The following PRSS38 variants were observed in gnomAD, a reference collection of about 807,000 sequenced individuals.
PRSS38 encodes the protein serine protease 38, also known as marapsin 2.
A neutral mutation model predicts 26.8 loss-of-function variants in PRSS38; 22 were observed. That is an observed-to-expected ratio of 0.82 (90% CI 0.59 to 1.17). The LOEUF (loss-of-function observed/expected upper bound fraction) is 1.17, where lower values mean the gene tolerates loss of function less well. PRSS38 is among the 50% of genes most tolerant of loss of function. PRSS38 has a pLI of 0.00. For missense variants in PRSS38, 427 were observed against 422.7 expected, an observed-to-expected ratio of 1.01 and a Z score of -0.09; for synonymous variants, 175 against 172.1, an observed-to-expected ratio of 1.02 and a Z score of -0.13.
chr1:227,845,524 G>A lies in PRSS38; in HGVS notation c.638G>A (p.Trp213Ter), dbSNP rs1020241504. The A allele has an allele frequency of 1.9e-6, 3 of 1,613,448 alleles. No homozygotes were observed. Among genetic ancestry groups the A allele is most frequent in the Non-Finnish European group, 2.5e-6 (3 of 1,179,622 alleles). Reference sequence around the variant, plus strand: ...CAGCTCCCGCTGATCCTGGAGCCCTGGTGCCACCTGCTCTACGGACACATG... The same window carrying A: ...CAGCTCCCGCTGATCCTGGAGCCCTAGTGCCACCTGCTCTACGGACACATG... Residue 213 changes from tryptophan (W) to a stop codon, truncating the protein, a stop_gained, in exon 4 of 5, where the codon TGG becomes TAG. Coordinates refer to ENST00000366757, the Ensembl canonical transcript of PRSS38. LOFTEE classifies it high-confidence loss of function.
chr1:227,817,234 A>G (rs972334819), exon 3 of PRSS38: 1 of 1,614,036 alleles, frequency 6.2e-7, no homozygotes, highest in Non-Finnish European at 8.5e-7. Flanking sequence ...AATCTATGAC[A>G]TGTACGTAGG....
At chr1:227,821,262 A>C (rs750775571) in intron 3 of PRSS38, among the ~76,000 whole-genome samples, 3 of 151,752 alleles carry the variant, frequency 2.0e-5, no homozygotes, top group Non-Finnish European at 4.4e-5. Context: ...CATGTATCAC[A>C]TTTTTTTAAT....
At chr1:227,845,965 G>A in exon 5 of PRSS38, 1 of 1,614,114 alleles carries the variant, frequency 6.2e-7, no homozygotes, top group Non-Finnish European at 8.5e-7. Context: ...GCGACTCCGG[G>A]GGCCCACTTG....
chr1:227,846,342 G>A, exon 5 of PRSS38: 1 of 1,163,270 alleles, frequency 8.6e-7, no homozygotes, highest in Non-Finnish European at 1.2e-6. Flanking sequence ...GGTGGATGCT[G>A]AGTCCAGGAG....
chr1:227,823,159 G>C (rs1665026641), intron 3 of PRSS38, among the ~76,000 whole-genome samples: 1 of 151,906 alleles, frequency 6.6e-6, no homozygotes, highest in African/African-American at 2.4e-5. Context: ...ACTTTATTTA[G>C]CTCCCACTCA....
intron 3 of PRSS38, among the ~76,000 whole-genome samples, chr1:227,841,852 C>T (rs1665342078): frequency 1.3e-5 from 2 of 152,162 alleles, no homozygotes; most frequent in Admixed American, 1.3e-4. Flanking sequence ...TAAAGGAATA[C>T]CTGAGGCTGG....
intron 3 of PRSS38, among the ~76,000 whole-genome samples, chr1:227,826,890 A>C (rs1373368019): frequency 6.6e-6 from 1 of 152,104 alleles, no homozygotes; most frequent in Non-Finnish European, 1.5e-5. Flanking sequence ...AACATGAAAG[A>C]ATGTTTAATT....
At chr1:227,835,298 ACTGCTCAT>A (rs1296237830) in intron 3 of PRSS38, among the ~76,000 whole-genome samples, 1 of 152,218 alleles carries the variant, frequency 6.6e-6, no homozygotes, top group African/African-American at 2.4e-5. Context: ...GGCCAAGTGC[ACTGCTCAT>A]CTTTAATCCC....
intron 3 of PRSS38, among the ~76,000 whole-genome samples, chr1:227,826,131 C>G (rs898188033): frequency 5.9e-5 from 9 of 152,028 alleles, no homozygotes; most frequent in African/African-American, 1.9e-4. Context: ...GTATTTTATT[C>G]TTTCTGTAGC....
intron 3 of PRSS38, among the ~76,000 whole-genome samples, chr1:227,823,103 C>T (rs1281266560): frequency 6.6e-6 from 1 of 151,936 alleles, no homozygotes; most frequent in Admixed American, 6.6e-5. Context: ...CATCCTCCTA[C>T]CTTGCTGAGT....
chr1:227,826,065 G>A (rs1572083547), intron 3 of PRSS38, among the ~76,000 whole-genome samples: 1 of 152,068 alleles, frequency 6.6e-6, no homozygotes, highest in Admixed American at 6.6e-5. Flanking sequence ...TTTGAGCAGT[G>A]GTTTGTAGTT....
At chr1:227,817,240 G>C in exon 3 of PRSS38, 4 of 1,614,116 alleles carry the variant, frequency 2.5e-6, no homozygotes, top group Non-Finnish European at 3.4e-6. Context: ...TGACATGTAC[G>C]TAGGCCTCGT....
chr1:227,837,260 C>T (rs554156684), intron 3 of PRSS38, among the ~76,000 whole-genome samples: 6 of 152,330 alleles, frequency 3.9e-5, no homozygotes, highest in African/African-American at 1.2e-4. Context: ...GTGACAAATC[C>T]GCCTTGCCAA....
intron 3 of PRSS38, among the ~76,000 whole-genome samples, chr1:227,833,433 G>A (rs4335375): frequency 0.17 from 26,129 of 151,862 alleles, 4,255 homozygotes; most frequent in African/African-American, 0.43. Flanking sequence ...AGGTTGAGGC[G>A]GGAGAATCAC....
intron 3 of PRSS38, among the ~76,000 whole-genome samples, chr1:227,839,547 T>A (rs1040980587): frequency 2.6e-5 from 4 of 152,120 alleles, no homozygotes; most frequent in Admixed American, 2.6e-4. Flanking sequence ...AAAAACAAAT[T>A]TTTAAAAGGT....
intron 3 of PRSS38, among the ~76,000 whole-genome samples, chr1:227,836,864 C>T (rs1665244686): frequency 6.6e-6 from 1 of 151,900 alleles, no homozygotes; most frequent in Non-Finnish European, 1.5e-5. Flanking sequence ...ATTCTTTTTT[C>T]ATTTTTTAAA....
At chr1:227,828,649 C>T (rs1665108887) in intron 3 of PRSS38, among the ~76,000 whole-genome samples, 1 of 152,178 alleles carries the variant, frequency 6.6e-6, no homozygotes, top group Non-Finnish European at 1.5e-5. Flanking sequence ...TCCAGACAAT[C>T]TGGATGAAGA....
At chr1:227,840,823 C>T (rs908234837) in intron 3 of PRSS38, among the ~76,000 whole-genome samples, 2 of 152,154 alleles carry the variant, frequency 1.3e-5, no homozygotes, top group African/African-American at 4.8e-5. Context: ...CTCTCAAGTT[C>T]ATTAAACATA....
intron 2 of PRSS38, 141 bp from the exon 3 acceptor site, chr1:227,817,068 G>T: frequency 1.1e-6 from 1 of 886,370 alleles, no homozygotes. Context: ...CAGCCAGATA[G>T]GTCCCTACTA....
Sources: allele counts gnomAD v4.1 joint callset (sites outside exome capture counted in the v4.1 genomes callset), GRCh38; gene constraint gnomAD v4.1.1; transcripts MANE v1.5; gene names NCBI Gene and HGNC (gene_info 2026-07-23, HGNC 2026-07-21).